Variants in MIGA1 observed in about 807,000 individuals in gnomAD.
The protein encoded by MIGA1 is family with sequence similarity 73, member A.
Under a neutral mutation model 82.0 loss-of-function variants are expected in MIGA1, and 58 were observed. The observed-to-expected ratio is 0.71, with a 90% CI of 0.57 to 0.88. The LOEUF is 0.88. MIGA1 is among the 40% of genes least tolerant of loss of function. The pLI is 0.00. For missense variants in MIGA1, 751 were observed against 749.1 expected, an observed-to-expected ratio of 1.00 and a Z score of -0.03; for synonymous variants, 249 against 253.6, an observed-to-expected ratio of 0.98 and a Z score of 0.17.
intron 14 of MIGA1, among the ~76,000 whole-genome samples, chr1:77,869,903 C>T (rs1422412616): frequency 7.8e-6 from 1 of 127,590 alleles, no homozygotes. Context: ...GGCGGCTGGC[C>T]GGGCGGGGGG....
intron 5 of MIGA1, among the ~76,000 whole-genome samples, chr1:77,812,482 A>G (rs1683380344): frequency 1.3e-5 from 2 of 152,060 alleles, no homozygotes; most frequent in Non-Finnish European, 2.9e-5. Flanking sequence ...ACAAATAAAT[A>G]CGAAATTGTA....
chr1:77,823,871 A>G (rs543433309), intron 7 of MIGA1, among the ~76,000 whole-genome samples: 7 of 152,258 alleles, frequency 4.6e-5, no homozygotes, highest in African/African-American at 1.4e-4. Context: ...CTGTTGCCAC[A>G]TAGGTCGTGA....
intron 5 of MIGA1, chr1:77,810,892 A>G: frequency 1.2e-6 from 2 of 1,611,856 alleles, no homozygotes; most frequent in South Asian, 2.2e-5. Flanking sequence ...ATGTAGATGA[A>G]GATAAAGTGG....
At chr1:77,800,496 A>G (rs1682833763) in intron 2 of MIGA1, among the ~76,000 whole-genome samples, 1 of 152,180 alleles carries the variant, frequency 6.6e-6, no homozygotes, top group Admixed American at 6.5e-5. Context: ...GTTGAAAGTG[A>G]CATTCTTTCC....
At chr1:77,863,137 G>C (rs371709105) in intron 12 of MIGA1, among the ~76,000 whole-genome samples, 1 of 152,078 alleles carries the variant, frequency 6.6e-6, no homozygotes, top group South Asian at 2.1e-4. Flanking sequence ...TCTCCCTGAT[G>C]CTCACCCATT....
intron 7 of MIGA1, among the ~76,000 whole-genome samples, chr1:77,828,258 A>G (rs1396854225): frequency 6.6e-6 from 1 of 152,224 alleles, no homozygotes; most frequent in Non-Finnish European, 1.5e-5. Context: ...TATAGATAGT[A>G]GTAGGTCTGT....
At chr1:77,865,003 T>A (rs1026187475) in intron 13 of MIGA1, among the ~76,000 whole-genome samples, 1 of 152,220 alleles carries the variant, frequency 6.6e-6, no homozygotes, top group African/African-American at 2.4e-5. Flanking sequence ...AAAAGCATTT[T>A]AAATAAATTC....
intron 2 of MIGA1, among the ~76,000 whole-genome samples, chr1:77,788,056 G>GGCTCACTGCAACCTCC (rs1570917470): frequency 6.6e-6 from 1 of 151,682 alleles, no homozygotes; most frequent in East Asian, 1.9e-4. Flanking sequence ...GCGCAATCTC[G>GGCTCACTGCAACCTCC]GCTCACTGCA....
At position 77,814,991 on chromosome 1, in the gene MIGA1, C is replaced by G. The variant is rs954413996; in HGVS notation, c.772-117C>G. On this transcript the variant is annotated intron_variant, in intron 6 of 15. Transcript: ENST00000370791. ...TGCTGCTGTACTCTTTCCACCATCT[C>G]TCAGTTGTTTTTTTATATTACTCAC... The G allele has an allele frequency of 5.6e-5, 38 of 674,504 alleles. 1 individual carries two copies. The highest frequency in any genetic ancestry group is 4.8e-4 in the South Asian group (14 of 28,998). 41.8% of individuals were successfully genotyped at this position (674,504 alleles called of 1,614,324 possible).
chr1:77,789,084 C>T (rs1682298121), intron 2 of MIGA1, among the ~76,000 whole-genome samples: 1 of 151,504 alleles, frequency 6.6e-6, no homozygotes, highest in Non-Finnish European at 1.5e-5. Context: ...TAATTTCTTT[C>T]AGCAACGTGT....
intron 1 of MIGA1, among the ~76,000 whole-genome samples, chr1:77,782,190 T>C (rs763385853): frequency 7.9e-5 from 12 of 152,194 alleles, no homozygotes; most frequent in Non-Finnish European, 1.6e-4. Flanking sequence ...TATTCTGTTA[T>C]GTAATATACA....
intron 2 of MIGA1, among the ~76,000 whole-genome samples, chr1:77,785,814 T>G (rs1682134727): frequency 6.6e-6 from 1 of 152,202 alleles, no homozygotes; most frequent in Non-Finnish European, 1.5e-5. Flanking sequence ...ATTGAATGTC[T>G]GTGGCTTTCC....
At chr1:77,858,421 C>G (rs2101932677) in intron 8 of MIGA1, among the ~76,000 whole-genome samples, 1 of 151,970 alleles carries the variant, frequency 6.6e-6, no homozygotes. Flanking sequence ...ATGAACTAAG[C>G]TTGTTAAAAG....
intron 1 of MIGA1, among the ~76,000 whole-genome samples, chr1:77,781,681 A>G (rs1681923215): frequency 6.6e-6 from 1 of 152,198 alleles, no homozygotes; most frequent in Non-Finnish European, 1.5e-5. Flanking sequence ...TTGTTGACTG[A>G]AATAAATGTA....
intron 2 of MIGA1, among the ~76,000 whole-genome samples, chr1:77,784,756 A>G (rs1682072515): frequency 6.6e-6 from 1 of 152,182 alleles, no homozygotes; most frequent in Non-Finnish European, 1.5e-5. Context: ...GGCAATTTAC[A>G]AAAGAAAGAC....
chr1:77,824,207 G>C (rs1315939040), intron 7 of MIGA1, among the ~76,000 whole-genome samples: 1 of 152,144 alleles, frequency 6.6e-6, no homozygotes, highest in Admixed American at 6.5e-5. Context: ...CTGACAACCT[G>C]GCTCTAAAAT....
At chr1:77,848,710 G>A (rs879922839) in intron 8 of MIGA1, 10 of 1,545,910 alleles carry the variant, frequency 6.5e-6, no homozygotes, top group African/African-American at 5.4e-5. Flanking sequence ...GAGGAACAAC[G>A]AAGAAACTGT....
intron 7 of MIGA1, among the ~76,000 whole-genome samples, chr1:77,823,867 C>T (rs1276979296): frequency 1.3e-5 from 2 of 152,242 alleles, no homozygotes; most frequent in African/African-American, 4.8e-5. Flanking sequence ...TTCTCTGTTG[C>T]CACATAGGTC....
At position 77,873,001 on chromosome 1, in the gene MIGA1, C is replaced by T; in HGVS notation, c.1564-3C>T. 1 of 1,613,808 alleles carries T rather than the reference C, an allele frequency of 6.2e-7. No individual in the cohort carries two copies. The highest frequency in any genetic ancestry group is 8.5e-7 in the Non-Finnish European group (1 of 1,179,996). On this transcript the variant is annotated splice_polypyrimidine_tract_variant and splice_region_variant and intron_variant, in intron 14 of 15. Transcript: ENST00000370791. ...AACTTGATTCTCCTTTACTTCCCAG[C>T]AGATCCCAGATGGATTTTTTGCCCA...
Sources: allele counts gnomAD v4.1 joint callset (sites outside exome capture counted in the v4.1 genomes callset), GRCh38; gene constraint gnomAD v4.1.1; transcripts MANE v1.5; gene names NCBI Gene and HGNC (gene_info 2026-07-23, HGNC 2026-07-21).